Variants in CFAP299 observed in about 807,000 individuals in gnomAD.
CFAP299 encodes the protein cilia- and flagella-associated protein 299.
CFAP299 carries 21 observed loss-of-function variants against 27.0 expected under a neutral mutation model. The observed-to-expected ratio is 0.78, with a 90% confidence interval of 0.55 to 1.12. The LOEUF is 1.12. Ranked by LOEUF, CFAP299 falls within the 50% of genes most tolerant of loss-of-function variation. The pLI is 0.00. For synonymous variants in CFAP299, 104 were observed against 98.1 expected (o/e 1.06, Z -0.36); for missense variants, 310 against 276.6 (o/e 1.12, Z -0.86).
At chr4:80,506,529 A>G (rs1459187030) in intron 2 of CFAP299, among the ~76,000 whole-genome samples, 2 of 152,196 alleles carry the variant, frequency 1.3e-5, no homozygotes, top group South Asian at 2.1e-4. Context: ...ATGATTTTTC[A>G]GAAAAAGAAA....
intron 2 of CFAP299, among the ~76,000 whole-genome samples, chr4:80,422,724 C>A (rs1442029357): frequency 6.6e-6 from 1 of 152,026 alleles, no homozygotes; most frequent in Non-Finnish European, 1.5e-5. Flanking sequence ...ATGTACAATA[C>A]AAGAATTTAT....
intron 4 of CFAP299, among the ~76,000 whole-genome samples, chr4:80,904,072 G>A (rs1735063799): frequency 6.6e-6 from 1 of 152,102 alleles, no homozygotes; most frequent in Non-Finnish European, 1.5e-5. Context: ...AATATGAAGT[G>A]CAATTAGCTG....
At chr4:80,489,187 T>C (rs537433672) in intron 2 of CFAP299, among the ~76,000 whole-genome samples, 1 of 152,296 alleles carries the variant, frequency 6.6e-6, no homozygotes, top group South Asian at 2.1e-4. Context: ...AGTTGGACAA[T>C]GTGGACCTTA....
At chr4:80,377,771 C>T (rs1172867205) in intron 2 of CFAP299, among the ~76,000 whole-genome samples, 1 of 152,070 alleles carries the variant, frequency 6.6e-6, no homozygotes, top group African/African-American at 2.4e-5. Context: ...TTATTTCTCT[C>T]ACGAATGTTT....
chr4:80,396,891 C>T (rs1317272992), intron 2 of CFAP299, among the ~76,000 whole-genome samples: 5 of 152,276 alleles, frequency 3.3e-5, no homozygotes, highest in Admixed American at 6.5e-5. Flanking sequence ...ATGCTGGCCT[C>T]ATAAAATGAG....
At chr4:80,734,704 A>G (rs2110058616) in intron 3 of CFAP299, among the ~76,000 whole-genome samples, 1 of 152,238 alleles carries the variant, frequency 6.6e-6, no homozygotes, top group South Asian at 2.1e-4. Flanking sequence ...TTTTCCCAGC[A>G]CTGATCATTG....
At chr4:80,371,376 C>T (rs1247459359) in intron 2 of CFAP299, among the ~76,000 whole-genome samples, 1 of 152,186 alleles carries the variant, frequency 6.6e-6, no homozygotes, top group African/African-American at 2.4e-5. Flanking sequence ...TAGCACCTGG[C>T]TCCTTTTTTG....
chr4:80,380,422 A>ATTT lies in CFAP299; in HGVS notation c.242+17560_242+17562dup, dbSNP rs10701207. On this transcript the variant is annotated intron_variant, in intron 2 of 5. Coordinates refer to ENST00000358105, the MANE Select transcript of CFAP299 (RefSeq NM_152770.3). ...GAATATTATTTAGATTGTGTCTCAC[A>ATTT]TTTTTTTTTTTTTTTTTTTTTTTTA... is the stretch of plus-strand genomic sequence containing the variant. Among the ~76,000 whole-genome samples the ATTT allele has an allele frequency of 7.7e-3, 742 of 96,104 alleles. 35 individuals carry two copies. The highest frequency in any genetic ancestry group is 0.017 in the African/African-American group (428 of 24,898). The allele number at this position is 96,104 out of a possible 152,430, so 63.0% of individuals were successfully genotyped here.
chr4:80,421,588 AAGG>A (rs1368080659), intron 2 of CFAP299, among the ~76,000 whole-genome samples: 2 of 152,090 alleles, frequency 1.3e-5, no homozygotes, highest in Admixed American at 6.5e-5. Flanking sequence ...ACATAAGAAG[AAGG>A]AGGAGGAGCA....
At chr4:80,351,430 G>A (rs1294314184) in intron 1 of CFAP299, among the ~76,000 whole-genome samples, 3 of 152,058 alleles carry the variant, frequency 2.0e-5, no homozygotes, top group Admixed American at 2.0e-4. Flanking sequence ...AATGTAATAA[G>A]CTAATAATTC....
intron 3 of CFAP299, among the ~76,000 whole-genome samples, chr4:80,706,546 T>C (rs1414180756): frequency 6.6e-6 from 1 of 151,748 alleles, no homozygotes; most frequent in Non-Finnish European, 1.5e-5. Flanking sequence ...TACATGAAAT[T>C]ATAGCCAGAG....
At position 80,936,388 on chromosome 4, in the gene CFAP299, C is replaced by T. The variant is rs183955883; in HGVS notation, c.477-8422C>T. On this transcript the variant is annotated intron_variant, in intron 4 of 5. Coordinates refer to ENST00000358105, the MANE Select transcript of CFAP299 (RefSeq NM_152770.3). ...TAGCAAAGACATGCAATTACCTAAA[C>T]GCCCATCAATAGTAAACAAGATAAA... Among the ~76,000 whole-genome samples the T allele has an allele frequency of 4.1e-3, 629 of 152,086 alleles. 1 individual carries two copies. The highest frequency in any genetic ancestry group is 0.014 in the Middle Eastern group (4 of 294).
chr4:80,870,275 C>A, intron 4 of CFAP299, 140 bp downstream of exon 4: 1 of 1,289,818 alleles, frequency 7.8e-7, no homozygotes, highest in Non-Finnish European at 9.9e-7. Context: ...ATAACTAAAT[C>A]TTAAAATAAG....
chr4:80,955,154 C>CAG (rs1260902059), intron 5 of CFAP299, among the ~76,000 whole-genome samples: 1 of 151,292 alleles, frequency 6.6e-6, no homozygotes, highest in East Asian at 2.0e-4. Flanking sequence ...CTCTAAAATA[C>CAG]TTTGGAGCAG....
intron 3 of CFAP299, among the ~76,000 whole-genome samples, chr4:80,754,555 C>A (rs1386461695): frequency 1.4e-5 from 2 of 147,398 alleles, no homozygotes; most frequent in Non-Finnish European, 3.0e-5. Context: ...ATGGATCTGG[C>A]TTTTTTTTTT....
chr4:80,926,478 A>G (rs577660174), intron 4 of CFAP299, among the ~76,000 whole-genome samples: 1 of 152,054 alleles, frequency 6.6e-6, no homozygotes, highest in Non-Finnish European at 1.5e-5. Flanking sequence ...GAATTGATGT[A>G]CAATGAAATA....
intron 2 of CFAP299, among the ~76,000 whole-genome samples, chr4:80,478,712 T>C (rs1730405974): frequency 2.0e-5 from 3 of 152,028 alleles, no homozygotes; most frequent in Admixed American, 2.0e-4. Context: ...CAGGAAAGTT[T>C]GACTCTTTGT....
chr4:80,808,960 G>A (rs915760639), intron 3 of CFAP299, among the ~76,000 whole-genome samples: 3 of 152,018 alleles, frequency 2.0e-5, no homozygotes, highest in South Asian at 4.1e-4. Context: ...AGAGATTTTC[G>A]TAAGGGATTA....
rs144675789 is a variant in CFAP299 at position 80,356,196 on chromosome 4, A to G, written c.112-6558A>G. 1.7e-3 allele frequency among the ~76,000 whole-genome samples: 251 copies of G among 151,854 alleles called. 3 individuals carry two copies. Among genetic ancestry groups the G allele is most frequent in the African/African-American group, 5.8e-3 (242 of 41,406 alleles). On this transcript the variant is annotated intron_variant, in intron 1 of 5. Coordinates refer to ENST00000358105, the MANE Select transcript of CFAP299 (RefSeq NM_152770.3). Reference sequence around the variant, plus strand: ...GTTCTCCATTCTGTTCCATTGGTCTATGTGCCTGTTTTTGTACCAGTACCA... The same window carrying G: ...GTTCTCCATTCTGTTCCATTGGTCTGTGTGCCTGTTTTTGTACCAGTACCA...
Sources: allele counts gnomAD v4.1 joint callset (sites outside exome capture counted in the v4.1 genomes callset), GRCh38; gene constraint gnomAD v4.1.1; transcripts MANE v1.5; gene names NCBI Gene and HGNC (gene_info 2026-07-23, HGNC 2026-07-21).